Variants in OSBPL9 observed in about 807,000 individuals in gnomAD.
The protein encoded by OSBPL9 is oxysterol-binding protein-related protein 9.
In OSBPL9, 40 loss-of-function variants were observed where a neutral mutation model predicts 106.6. That is an observed-to-expected ratio of 0.38 (90% CI 0.29 to 0.49). The LOEUF (loss-of-function observed/expected upper bound fraction) is 0.49, where lower values mean the gene tolerates loss of function less well. Ranked by LOEUF, OSBPL9 falls within the 20% of genes least tolerant of loss-of-function variation. The probability of loss-of-function intolerance (pLI) is 0.97; values close to 1 mark genes in which losing one functional copy is unlikely to be tolerated. For missense variants in OSBPL9, 609 were observed against 887.2 expected (o/e 0.69, Z 3.98); for synonymous variants, 269 against 295.4 (o/e 0.91, Z 0.92).
At chr1:51,781,615 A>G (rs1421664611) in intron 16 of OSBPL9, 1 of 282,502 alleles carries the variant, frequency 3.5e-6, no homozygotes. Context: ...GAGAAGATCA[A>G]TAGAATGATT....
At chr1:51,644,078 TAAAAAAAAAAA>T (rs968921768) in intron 1 of OSBPL9, among the ~76,000 whole-genome samples, 129 of 43,250 alleles carry the variant, frequency 3.0e-3, no homozygotes, top group Non-Finnish European at 4.3e-3. Context: ...AGACCTTGTC[TAAAAAAAAAAA>T]AAAAAAAAAA....
At chr1:51,651,005 A>T (rs1220440936) in intron 1 of OSBPL9, among the ~76,000 whole-genome samples, 1 of 152,040 alleles carries the variant, frequency 6.6e-6, no homozygotes, top group Non-Finnish European at 1.5e-5. Context: ...TACAATTCCT[A>T]CCCCCTAAGG....
intron 3 of OSBPL9, among the ~76,000 whole-genome samples, chr1:51,683,473 C>T (rs370094137): frequency 6.6e-5 from 10 of 151,628 alleles, no homozygotes; most frequent in African/African-American, 2.2e-4. Context: ...AGCCACTGTG[C>T]CCAGCCGAGA....
chr1:51,689,304 T>C (rs995378461), intron 3 of OSBPL9, among the ~76,000 whole-genome samples: 2 of 152,196 alleles, frequency 1.3e-5, no homozygotes, highest in African/African-American at 4.8e-5. Context: ...TTTTTTCCTA[T>C]AGATTTATAT....
At chr1:51,630,372 C>T (rs1034187084) in intron 1 of OSBPL9, among the ~76,000 whole-genome samples, 2 of 152,022 alleles carry the variant, frequency 1.3e-5, no homozygotes, top group African/African-American at 4.8e-5. Flanking sequence ...AAGCACCATG[C>T]CCAAGTGCCA....
chr1:51,788,469 A>C lies in OSBPL9; in HGVS notation c.*680A>C, dbSNP rs1274013556. 4.6e-5 allele frequency: 7 copies of C among 152,684 alleles called. No individual in the cohort carries two copies. In the East Asian group the frequency reaches 1.3e-3, roughly 29 times the overall value. 9.5% of individuals were successfully genotyped at this position (152,684 alleles called of 1,614,324 possible). A position where few individuals can be genotyped will look rare whatever the true frequency, so the allele number is the denominator to read the frequency against. ...AATTTTTCCAACCTTTTTTTTAAAAATGTGCATCTTTTATTATCTTTTATG... is the reference window on the plus strand; with the variant it reads ...AATTTTTCCAACCTTTTTTTTAAAACTGTGCATCTTTTATTATCTTTTATG... On this transcript the variant is annotated 3_prime_UTR_variant, in exon 24 of 24. Transcript: ENST00000428468.
upstream of OSBPL9, chr1:51,573,965 T>C (rs1239247266): frequency 1.3e-5 from 2 of 152,194 alleles, no homozygotes; most frequent in African/African-American, 4.8e-5. Flanking sequence ...TTTATCTTTT[T>C]CTTTGTCTCC....
intron 4 of OSBPL9, chr1:51,740,240 A>G (rs1417966884): frequency 3.3e-6 from 5 of 1,494,916 alleles, no homozygotes; most frequent in South Asian, 2.7e-5. Context: ...AGTATGCTCT[A>G]TACTTCTTTC....
intron 3 of OSBPL9, among the ~76,000 whole-genome samples, chr1:51,685,424 T>C (rs1380570398): frequency 2.0e-5 from 3 of 152,192 alleles, no homozygotes; most frequent in African/African-American, 7.2e-5. Context: ...TTTTTTTTTT[T>C]TGAGATGGCA....
At chr1:51,625,779 C>T (rs1318806893) in intron 1 of OSBPL9, among the ~76,000 whole-genome samples, 1 of 152,148 alleles carries the variant, frequency 6.6e-6, no homozygotes, top group African/African-American at 2.4e-5. Context: ...CCTCCTCGGC[C>T]TCCCAAAGTG....
intron 14 of OSBPL9, among the ~76,000 whole-genome samples, chr1:51,776,625 C>T (rs936776464): frequency 6.6e-6 from 1 of 152,102 alleles, no homozygotes; most frequent in Non-Finnish European, 1.5e-5. Context: ...AAGTCTTTCT[C>T]TGTTTTTGAT....
the OSBPL9 span, among the ~76,000 whole-genome samples, chr1:51,541,256 T>G: frequency 2.6e-5 from 4 of 152,154 alleles, no homozygotes; most frequent in Non-Finnish European, 4.4e-5. Flanking sequence ...CCAAACACAG[T>G]TTCCAGCTCA....
At chr1:51,728,605 G>A (rs1663575447) in intron 4 of OSBPL9, among the ~76,000 whole-genome samples, 1 of 152,192 alleles carries the variant, frequency 6.6e-6, no homozygotes, top group African/African-American at 2.4e-5. Flanking sequence ...GAGTGCATCT[G>A]GTGTTGGGCA....
intron 4 of OSBPL9, among the ~76,000 whole-genome samples, chr1:51,714,805 C>T (rs1386026783): frequency 6.6e-6 from 1 of 152,176 alleles, no homozygotes. Context: ...CAAATCCTGA[C>T]CAGTCACAAT....
At chr1:51,678,946 A>G (rs1437692151) in intron 3 of OSBPL9, among the ~76,000 whole-genome samples, 2 of 152,214 alleles carry the variant, frequency 1.3e-5, no homozygotes, top group Non-Finnish European at 1.5e-5. Context: ...TTGACTTTAA[A>G]AAATTTCCCT....
chr1:51,750,048 C>T (rs1016496995), intron 7 of OSBPL9, 97 bp from the exon 8 acceptor site: 88 of 803,526 alleles, frequency 1.1e-4, no homozygotes, highest in Non-Finnish European at 1.6e-4. Context: ...TAGACTTAAA[C>T]TCTATACATC....
At chr1:51,677,925 G>C (rs1651666165) in intron 3 of OSBPL9, among the ~76,000 whole-genome samples, 1 of 151,988 alleles carries the variant, frequency 6.6e-6, no homozygotes, top group Admixed American at 6.5e-5. Flanking sequence ...CGTAATCCCA[G>C]CTCTTTGGGA....
chr1:51,644,103 AAAAG>A (rs1645994089), intron 1 of OSBPL9, among the ~76,000 whole-genome samples: 2 of 151,204 alleles, frequency 1.3e-5, no homozygotes, highest in African/African-American at 4.9e-5. Context: ...AAAAAAAAAA[AAAAG>A]CAGGTGATAC....
At chr1:51,777,058 A>T (rs1466523618) in intron 15 of OSBPL9, 140 bp downstream of exon 15, 15 of 654,260 alleles carry the variant, frequency 2.3e-5, no homozygotes, top group Non-Finnish European at 2.9e-5. Context: ...TAATGTGTTT[A>T]CACTGGTTGC....
Sources: allele counts gnomAD v4.1 joint callset (sites outside exome capture counted in the v4.1 genomes callset), GRCh38; gene constraint gnomAD v4.1.1; transcripts MANE v1.5; gene names NCBI Gene and HGNC (gene_info 2026-07-23, HGNC 2026-07-21).